SERPINE3: variants seen among roughly 807,000 people sequenced by gnomAD.
The protein encoded by SERPINE3 is serpin E3.
Under a neutral mutation model 41.7 loss-of-function variants are expected in SERPINE3, and 43 were observed. The ratio of observed to expected loss-of-function variants is 1.03; its 90% CI spans 0.81 to 1.33. The LOEUF (loss-of-function observed/expected upper bound fraction) is 1.33, where lower values mean the gene tolerates loss of function less well. Among genes scored for constraint, SERPINE3 ranks in the 40% most tolerant of loss-of-function variants. The pLI is 0.00. For synonymous variants in SERPINE3, 200 were observed against 192.2 expected (o/e 1.04, Z -0.34); for missense variants, 440 against 491.7 (o/e 0.89, Z 0.99).
chr13:51,342,629 A>C (rs1237151810), intron 3 of SERPINE3, among the ~76,000 whole-genome samples: 3 of 152,170 alleles, frequency 2.0e-5, no homozygotes, highest in Non-Finnish European at 4.4e-5. Flanking sequence ...TTACTCTACT[A>C]TTTTAATGTT....
At chr13:51,342,030 C>T (rs960839793) in intron 3 of SERPINE3, among the ~76,000 whole-genome samples, 5 of 152,036 alleles carry the variant, frequency 3.3e-5, no homozygotes, top group Admixed American at 2.0e-4. Flanking sequence ...TTTCGAATGC[C>T]AGGTCAGCTT....
At chr13:51,345,631 G>C (rs1955339267) in intron 4 of SERPINE3, among the ~76,000 whole-genome samples, 1 of 149,184 alleles carries the variant, frequency 6.7e-6, no homozygotes, top group African/African-American at 2.5e-5. Context: ...AATAGGAAGT[G>C]ATATGTATAC....
intron 3 of SERPINE3, 86 bp downstream of exon 3, chr13:51,341,433 A>C: frequency 7.9e-7 from 1 of 1,260,688 alleles, no homozygotes; most frequent in Non-Finnish European, 1.1e-6. Flanking sequence ...TCACACTCAC[A>C]CTCACTCTCT....
intron 2 of SERPINE3, 90 bp from the exon 3 acceptor site, chr13:51,340,985 A>T: frequency 7.4e-7 from 1 of 1,343,444 alleles, no homozygotes; most frequent in Non-Finnish European, 1.0e-6. Flanking sequence ...CCCTAAAAAC[A>T]GAGCTGGGGG....
chr13:51,345,668 T>C (rs572540166), intron 4 of SERPINE3, among the ~76,000 whole-genome samples: 9 of 151,322 alleles, frequency 5.9e-5, no homozygotes, highest in African/African-American at 2.2e-4. Flanking sequence ...ACAGTAAGTG[T>C]GTGGACAAGG....
In SERPINE3 at chr13:51,341,494, G is replaced by A. The variant is rs1955291426; in HGVS notation, c.256+147G>A. 13 of 802,030 alleles carry A rather than the reference G, an allele frequency of 1.6e-5. No homozygotes were observed. In the South Asian group the frequency reaches 1.8e-4, roughly 11 times the overall value. 49.7% of individuals were successfully genotyped at this position (802,030 alleles called of 1,614,324 possible). A position where few individuals can be genotyped will look rare whatever the true frequency, so the allele number is the denominator to read the frequency against. ...ACACTCACTCTCTCCAGCTCACCCT[G>A]CTGCTCAGGCTACCTGGGAGATAGG... On this transcript the variant is annotated intron_variant, in intron 3 of 9. Transcript: ENST00000681248.
chr13:51,355,267 TTA>T (rs1302772410), intron 7 of SERPINE3, 124 bp downstream of exon 7: 1 of 600,130 alleles, frequency 1.7e-6, no homozygotes, highest in African/African-American at 1.9e-5. Context: ...GTGCTCTGTT[TTA>T]TATAAGAATG....
At chr13:51,344,944 G>C (rs1297666460) in intron 4 of SERPINE3, among the ~76,000 whole-genome samples, 1 of 152,128 alleles carries the variant, frequency 6.6e-6, no homozygotes, top group Non-Finnish European at 1.5e-5. Context: ...ACAATAAGAT[G>C]TTTAGCTCAG....
chr13:51,345,550 G>A (rs1955337663), intron 4 of SERPINE3, among the ~76,000 whole-genome samples: 1 of 141,860 alleles, frequency 7.0e-6, no homozygotes, highest in Non-Finnish European at 1.5e-5. Context: ...AGCTGAGACT[G>A]CGTCACTGCA....
chr13:51,361,304 G>A lies in SERPINE3; in HGVS notation c.1027G>A (p.Ala343Thr). The A allele has an allele frequency of 6.2e-7, 1 of 1,609,962 alleles. No homozygotes were observed. The highest frequency in any genetic ancestry group is 8.5e-7 in the Non-Finnish European group (1 of 1,177,524). Residue 343 changes from alanine to threonine, a missense_variant, in exon 8 of 10, where the codon GCA becomes ACA. By Grantham distance (58) the Ala-to-Thr change is moderately conservative (BLOSUM62 0). Transcript: ENST00000681248. ...SGQDGFYVSE[A>T]IHKAKIEVLE... ...CCAAGATGGCTTTTATGTTTCTGAAGCAATCCACAAGGCCAAGATTGAAGT... is the reference window on the plus strand; with the variant it reads ...CCAAGATGGCTTTTATGTTTCTGAAACAATCCACAAGGCCAAGATTGAAGT...
intron 5 of SERPINE3, 94 bp downstream of exon 5, chr13:51,347,328 G>T: frequency 9.2e-7 from 1 of 1,087,100 alleles, no homozygotes; most frequent in Non-Finnish European, 1.4e-6. Context: ...CTAAGGGATC[G>T]GGATGTGTTT....
intron 7 of SERPINE3, among the ~76,000 whole-genome samples, chr13:51,359,404 T>G (rs948815423): frequency 6.6e-6 from 1 of 152,144 alleles, no homozygotes; most frequent in Non-Finnish European, 1.5e-5. Context: ...TAAAAGATGC[T>G]GATGCTGGGG....
intron 7 of SERPINE3, among the ~76,000 whole-genome samples, chr13:51,358,156 G>C (rs776337966): frequency 6.6e-6 from 1 of 152,080 alleles, no homozygotes; most frequent in East Asian, 1.9e-4. Flanking sequence ...CGGGTGCTAT[G>C]TGTTTCTCTC....
At chr13:51,348,161 C>A in intron 5 of SERPINE3, 52 bp from the exon 6 acceptor site, 1 of 1,406,938 alleles carries the variant, frequency 7.1e-7, no homozygotes. Flanking sequence ...GACACTGGTT[C>A]ATTCTCCTGG....
intron 9 of SERPINE3, chr13:51,363,984 T>G (rs1009510904): frequency 1.1e-5 from 3 of 271,394 alleles, no homozygotes; most frequent in African/African-American, 2.2e-5. Flanking sequence ...GTATGAATTT[T>G]TATCTGAATG....
At chr13:51,343,540 C>T (rs1955315300) in intron 3 of SERPINE3, among the ~76,000 whole-genome samples, 3 of 152,248 alleles carry the variant, frequency 2.0e-5, no homozygotes, top group South Asian at 4.1e-4. Flanking sequence ...CTGCCATCCA[C>T]GAAGGTGGAA....
intron 4 of SERPINE3, among the ~76,000 whole-genome samples, chr13:51,345,808 G>A (rs199903880): frequency 4.5e-4 from 68 of 152,172 alleles, no homozygotes; most frequent in Middle Eastern, 3.2e-3. Context: ...GTGCTGCCAG[G>A]GCGTAAGGCC....
intron 4 of SERPINE3, 66 bp from the exon 5 acceptor site, chr13:51,346,959 C>T (rs909580407): frequency 2.5e-5 from 30 of 1,223,158 alleles, no homozygotes; most frequent in Non-Finnish European, 3.4e-5. Flanking sequence ...TGTCCGCACA[C>T]ACACTGGGTT....
At chr13:51,359,792 G>A (rs1186207025) in intron 7 of SERPINE3, among the ~76,000 whole-genome samples, 1 of 152,038 alleles carries the variant, frequency 6.6e-6, no homozygotes, top group African/African-American at 2.4e-5. Context: ...TAACCCTAAA[G>A]CTCTTTGTAA....
Sources: allele counts gnomAD v4.1 joint callset (sites outside exome capture counted in the v4.1 genomes callset), GRCh38; gene constraint gnomAD v4.1.1; transcripts MANE v1.5; gene names NCBI Gene and HGNC (gene_info 2026-07-23, HGNC 2026-07-21).